TBCD: variants seen among roughly 807,000 people sequenced by gnomAD.
TBCD encodes the protein tubulin folding cofactor D.
A neutral mutation model predicts 169.3 loss-of-function variants in TBCD; 105 were observed. The observed-to-expected ratio is 0.62, with a 90% CI of 0.53 to 0.73. The LOEUF (loss-of-function observed/expected upper bound fraction) is 0.73, where lower values mean the gene tolerates loss of function less well. Ranked by LOEUF, TBCD falls within the 30% of genes least tolerant of loss-of-function variation. The pLI is 0.00. For missense variants in TBCD, 1,444 were observed against 1,600.1 expected, an observed-to-expected ratio of 0.90 and a Z score of 1.66; for synonymous variants, 700 against 643.9, an observed-to-expected ratio of 1.09 and a Z score of -1.32.
chr17:82,906,504 A>C (rs531609558), intron 20 of TBCD, among the ~76,000 whole-genome samples: 1 of 152,248 alleles, frequency 6.6e-6, no homozygotes, highest in South Asian at 2.1e-4. Flanking sequence ...TCAGTTGGCT[A>C]TGTTTGTACA....
At chr17:82,810,990 T>C (rs929519414) in intron 12 of TBCD, among the ~76,000 whole-genome samples, 3 of 152,228 alleles carry the variant, frequency 2.0e-5, no homozygotes, top group Non-Finnish European at 4.4e-5. Flanking sequence ...TGTGCATGCA[T>C]GTGTGAGAAA....
In TBCD at chr17:82,930,663, G is replaced by GC; in HGVS notation, c.3113+22dup. 1.2e-6 allele frequency: 2 copies of GC among 1,613,846 alleles called. No individual in the cohort carries two copies. The highest frequency in any genetic ancestry group is 1.7e-6 in the Non-Finnish European group (2 of 1,179,830). On this transcript the variant is annotated intron_variant, in intron 33 of 38. Coordinates refer to ENST00000355528, the MANE Select transcript of TBCD (RefSeq NM_005993.5). The surrounding 1 kb of genome is among the most constrained non-coding windows in gnomAD (Gnocchi z 5.2). ...TGAGAGGTGAGTGGTGTCTCTTGGG[G>GC]CCTCAGAGGCGTGAGTGGTGCTGGT... is the stretch of plus-strand genomic sequence containing the variant.
intron 13 of TBCD, among the ~76,000 whole-genome samples, chr17:82,828,504 AC>A (rs368420925): frequency 3.5e-4 from 39 of 112,156 alleles, no homozygotes; most frequent in East Asian, 1.2e-3. Flanking sequence ...AATCGAATGC[AC>A]CCCCCCCGCA....
chr17:82,937,521 G>A (rs2062729712), intron 35 of TBCD, 161 bp downstream of exon 35: 1 of 670,944 alleles, frequency 1.5e-6, no homozygotes, highest in Admixed American at 2.7e-5. Context: ...GTCGCAATGG[G>A]AGGTGAGGCA....
At chr17:82,858,190 G>A (rs1036207207) in intron 13 of TBCD, among the ~76,000 whole-genome samples, 1 of 152,166 alleles carries the variant, frequency 6.6e-6, no homozygotes, top group South Asian at 2.1e-4. Flanking sequence ...CTGGGATTAC[G>A]AACATGAGCC....
In TBCD at chr17:82,752,126, C is replaced by CT. The variant is rs1475818025; in HGVS notation, c.-65dup. The CT allele has an allele frequency of 2.4e-5, 34 of 1,410,948 alleles. No individual in the cohort carries two copies. The African/African-American group carries it at 4.2e-4, about 18-fold the overall frequency. 87.4% of individuals were successfully genotyped at this position (1,410,948 alleles called of 1,614,324 possible). ...TTCATCCCTCATCCTTCATCCCTGG[C>CT]TTTCGCGCTCTAGCGGAGTGGGATC... On this transcript the variant is annotated 5_prime_UTR_variant, in exon 1 of 39. Transcript: ENST00000355528.
chr17:82,828,072 C>G (rs898428888), intron 13 of TBCD, among the ~76,000 whole-genome samples: 1 of 150,174 alleles, frequency 6.7e-6, no homozygotes, highest in African/African-American at 2.5e-5. Flanking sequence ...CGCACATGTG[C>G]ACATCCACAC....
intron 6 of TBCD, among the ~76,000 whole-genome samples, chr17:82,775,211 T>TGAGCCTGGGATCCAGGAGAGGTG (rs2048515486): frequency 6.6e-6 from 1 of 152,234 alleles, no homozygotes; most frequent in Non-Finnish European, 1.5e-5. Flanking sequence ...GCAGAACACC[T>TGAGCCTGGGATCCAGGAGAGGTG]GAGCCTGGGA....
At chr17:82,938,015 G>T in intron 35 of TBCD, 34 bp from the exon 36 acceptor site, 1 of 1,610,710 alleles carries the variant, frequency 6.2e-7, no homozygotes, top group East Asian at 2.2e-5. Flanking sequence ...GCGCGGGGTG[G>T]GGCTCACCTG....
At chr17:82,801,066 C>T in intron 9 of TBCD, 70 bp downstream of exon 9, 1 of 1,480,210 alleles carries the variant, frequency 6.8e-7, no homozygotes. Context: ...GGGGCAGGCG[C>T]CATTGATGAG....
rs566917408 is a variant in TBCD at position 82,920,269 on chromosome 17, C to T, written c.2039-287C>T. ...GGACGTCTGCAGCTCCCTGACAGGC[C>T]GGCCCGGCTTCTCTGAAGTGCACGT... On this transcript the variant is annotated intron_variant, in intron 23 of 38. Transcript: ENST00000355528. The surrounding 1 kb of genome is among the most constrained non-coding windows in gnomAD (Gnocchi z 4.1). Among the ~76,000 whole-genome samples the T allele has an allele frequency of 2.4e-4, 36 of 152,340 alleles. No homozygotes were observed. Among genetic ancestry groups the T allele is most frequent in the South Asian group, 4.1e-4 (2 of 4,834 alleles).
At chr17:82,801,120 C>T (rs966811317) in intron 9 of TBCD, 124 bp downstream of exon 9, 101 of 540,802 alleles carry the variant, frequency 1.9e-4, no homozygotes, top group African/African-American at 2.7e-4. Context: ...GGGAGGCAGT[C>T]GCCCTGTTGC....
intron 13 of TBCD, among the ~76,000 whole-genome samples, chr17:82,866,342 C>T (rs1174339757): frequency 6.6e-6 from 1 of 152,202 alleles, no homozygotes; most frequent in East Asian, 1.9e-4. Context: ...TGAATCAGAG[C>T]CAAGAGGCTT....
rs2050430724 is a variant in TBCD, at chr17:82,800,496, C to T, written c.818-368C>T. Among the ~76,000 whole-genome samples, 3 of 151,706 alleles carry T rather than the reference C, an allele frequency of 2.0e-5. No homozygotes were observed. The South Asian group carries it at 6.3e-4, about 32-fold the overall frequency. ...GTGCCCTGTGGCCTGTGTGTTCTCC[C>T]CGGCCACAGCATGCCCGTGGCCTGC... is the stretch of plus-strand genomic sequence containing the variant. On this transcript the variant is annotated intron_variant, in intron 8 of 38. Transcript: ENST00000355528.
intron 7 of TBCD, among the ~76,000 whole-genome samples, chr17:82,785,975 C>G (rs2049293259): frequency 6.6e-6 from 1 of 152,212 alleles, no homozygotes; most frequent in African/African-American, 2.4e-5. Flanking sequence ...ATGTTGGCAC[C>G]TACATGTGTG....
intron 7 of TBCD, among the ~76,000 whole-genome samples, chr17:82,783,847 G>A (rs895705181): frequency 1.3e-5 from 2 of 151,906 alleles, no homozygotes; most frequent in African/African-American, 4.9e-5. Context: ...CTTTCAGGCC[G>A]GGCGCGGTGG....
intron 13 of TBCD, chr17:82,830,812 G>A: frequency 6.2e-7 from 1 of 1,613,434 alleles, no homozygotes; most frequent in Non-Finnish European, 8.5e-7. Flanking sequence ...ACTGGAAGGC[G>A]CGGCCTCCGA....
chr17:82,783,882 T>A (rs2030408391), intron 7 of TBCD, among the ~76,000 whole-genome samples: 2 of 152,130 alleles, frequency 1.3e-5, no homozygotes, highest in African/African-American at 4.8e-5. Flanking sequence ...CCCAGCACTT[T>A]GGGAGGCCGA....
chr17:82,876,288 A>G (rs2057966336), intron 14 of TBCD, among the ~76,000 whole-genome samples: 1 of 152,222 alleles, frequency 6.6e-6, no homozygotes, highest in Admixed American at 6.5e-5. Context: ...GAAGTATCAC[A>G]TAAACTTCTC....
Sources: gnomAD v4.1 joint callset for allele counts (sites outside exome capture counted in the v4.1 genomes callset) on GRCh38, gnomAD v4.1.1 for gene constraint, Gnocchi (gnomAD v3.1) non-coding constraint, MANE v1.5 for transcripts, NCBI Gene and HGNC (gene_info 2026-07-23, HGNC 2026-07-21) for gene names.